Variants in RALGAPA1 observed in about 807,000 individuals in gnomAD.
RALGAPA1 encodes Ral GTPase activating protein catalytic subunit alpha 1.
RALGAPA1 carries 52 observed loss-of-function variants against 269.6 expected under a neutral mutation model. The observed-to-expected ratio is 0.19, with a 90% CI of 0.15 to 0.24. RALGAPA1 has a LOEUF of 0.24. RALGAPA1 is among the 10% of genes least tolerant of loss of function. RALGAPA1 has a pLI of 1.00. For missense variants in RALGAPA1, 1,917 were observed against 3,013.9 expected (o/e 0.64, Z 8.52); for synonymous variants, 817 against 1,008.3 (o/e 0.81, Z 3.60).
rs778041272 is a variant in RALGAPA1 at position 35,635,611 on chromosome 14, T to C, written c.5677-13A>G. 7.1e-6 allele frequency: 11 copies of C among 1,549,672 alleles called. No individual in the cohort carries two copies. Among genetic ancestry groups the C allele is most frequent in the Non-Finnish European group, 7.8e-6 (9 of 1,151,776 alleles). On this transcript the variant is annotated splice_polypyrimidine_tract_variant and intron_variant, in intron 31 of 41. Transcript: ENST00000680220. ...AAGATACTACCAACTGTAACAACAA[T>C]AGAATCATTATAATTGTACATTCAT...
chr14:35,731,846 G>C (rs2070501454), intron 12 of RALGAPA1, among the ~76,000 whole-genome samples: 2 of 150,516 alleles, frequency 1.3e-5, no homozygotes, highest in East Asian at 4.0e-4. Flanking sequence ...CCCTGGCCTT[G>C]ATAGAGACCT....
intron 15 of RALGAPA1, 109 bp from the exon 16 acceptor site, chr14:35,721,958 A>G: frequency 5.7e-6 from 5 of 884,822 alleles, no homozygotes; most frequent in Non-Finnish European, 8.8e-6. Context: ...CATAAATTAT[A>G]AAGTAATAAG....
chr14:35,721,470 A>AC (rs200106819), intron 16 of RALGAPA1, among the ~76,000 whole-genome samples: 1,631 of 152,332 alleles, frequency 0.011, 31 homozygotes, highest in African/African-American at 0.037. Context: ...AGTAAAATAA[A>AC]CCACATAAAA....
intron 17 of RALGAPA1, among the ~76,000 whole-genome samples, chr14:35,699,735 T>C (rs1335692451): frequency 2.0e-5 from 3 of 152,098 alleles, no homozygotes; most frequent in Admixed American, 1.3e-4. Flanking sequence ...TAATGCAGAA[T>C]AAATTATTCA....
At position 35,619,398 on chromosome 14, in the gene RALGAPA1, A is replaced by G. The variant is rs148101082; in HGVS notation, c.6929+5963T>C. 5.9e-3 allele frequency among the ~76,000 whole-genome samples: 905 copies of G among 152,306 alleles called. 9 individuals are homozygous for G. Among genetic ancestry groups the G allele is most frequent in the Non-Finnish European group, 7.8e-3 (531 of 68,026 alleles). ...CTAAATGCCCACAAGAGAAAGCAGG[A>G]AAGATCTAAAATCGACACCCTAACA... On this transcript the variant is annotated intron_variant, in intron 35 of 41. Transcript: ENST00000680220.
chr14:35,684,016 T>C (rs755364657), intron 20 of RALGAPA1, 31 bp from the exon 21 acceptor site: 1 of 1,554,396 alleles, frequency 6.4e-7, no homozygotes, highest in South Asian at 1.2e-5. Context: ...ATTATATGAG[T>C]CCCAATTACA....
At chr14:35,657,472 G>A (rs994853419) in intron 28 of RALGAPA1, among the ~76,000 whole-genome samples, 7 of 151,690 alleles carry the variant, frequency 4.6e-5, no homozygotes, top group African/African-American at 7.3e-5. Flanking sequence ...TTCCAGGCAC[G>A]AGCCACCACG....
In RALGAPA1 at chr14:35,805,194, C is replaced by CG. The variant is rs2077270178; in HGVS notation, c.106+3535dup. 4.0e-5 allele frequency among the ~76,000 whole-genome samples: 6 copies of CG among 150,540 alleles called. No homozygotes were observed. The South Asian group carries it at 1.1e-3, about 26-fold the overall frequency. Reference sequence around the variant, plus strand: ...ATCCCAGCACTTTAGGAGGCTGAGGCGGGGGGACTGCCTGAGCTCAGGAGT... The same window carrying CG: ...ATCCCAGCACTTTAGGAGGCTGAGGCGGGGGGGACTGCCTGAGCTCAGGAGT... On this transcript the variant is annotated intron_variant, in intron 1 of 41. Transcript: ENST00000680220.
chr14:35,663,395 T>C (rs1036650354), intron 27 of RALGAPA1, among the ~76,000 whole-genome samples: 1 of 150,526 alleles, frequency 6.6e-6, no homozygotes, highest in Non-Finnish European at 1.5e-5. Context: ...CTGGACTTTT[T>C]AAAACTTGAG....
At chr14:35,553,911 A>G (rs1260481828) in intron 39 of RALGAPA1, among the ~76,000 whole-genome samples, 10 of 151,798 alleles carry the variant, frequency 6.6e-5, no homozygotes. Flanking sequence ...CCCATTCTGA[A>G]ATTCTTAATT....
At chr14:35,699,087 A>G (rs989582955) in intron 17 of RALGAPA1, among the ~76,000 whole-genome samples, 1 of 152,176 alleles carries the variant, frequency 6.6e-6, no homozygotes, top group Non-Finnish European at 1.5e-5. Flanking sequence ...TTAAGGTTTG[A>G]ATTGAGGCCA....
intron 17 of RALGAPA1, among the ~76,000 whole-genome samples, chr14:35,692,418 G>A (rs1286912142): frequency 6.7e-6 from 1 of 150,188 alleles, no homozygotes; most frequent in Non-Finnish European, 1.5e-5. Context: ...ATGATGTTCT[G>A]TGTTTAGGAA....
chr14:35,750,523 T>G lies in RALGAPA1; in HGVS notation c.970A>C (p.Ile324Leu). The G allele has an allele frequency of 1.9e-6, 3 of 1,613,060 alleles. No individual in the cohort carries two copies. Among genetic ancestry groups the G allele is most frequent in the Non-Finnish European group, 2.5e-6 (3 of 1,179,374 alleles). Residue 324 changes from isoleucine to leucine, a missense_variant, in exon 9 of 42, where the codon ATT becomes CTT. This residue lies in a region of RALGAPA1 where 462 missense variants were observed against 725.6 expected (regional missense o/e 0.64). Transcript: ENST00000680220. ...LEPKPHTGPH[I>L]PGMEGEVLPK... ...AAGACTTCACCTTCCATCCCAGGAA[T>G]ATGAGGTCCTGTATGTGGTTTTGGC...
At chr14:35,592,561 G>C (rs568114839) in intron 37 of RALGAPA1, among the ~76,000 whole-genome samples, 35 of 152,252 alleles carry the variant, frequency 2.3e-4, no homozygotes, top group African/African-American at 7.9e-4. Flanking sequence ...AAAACTACAG[G>C]TCAATTTCTC....
chr14:35,700,053 C>T (rs2067217948), intron 17 of RALGAPA1, 109 bp downstream of exon 17: 5 of 964,242 alleles, frequency 5.2e-6, no homozygotes, highest in Non-Finnish European at 7.3e-6. Flanking sequence ...TTTCCCACAC[C>T]TCCCCCAAAG....
At chr14:35,617,535 T>C (rs1489085522) in intron 35 of RALGAPA1, among the ~76,000 whole-genome samples, 2 of 149,972 alleles carry the variant, frequency 1.3e-5, no homozygotes, top group Admixed American at 6.7e-5. Flanking sequence ...GGAGAATCAC[T>C]TGAACCCCGA....
chr14:35,586,615 A>G lies in RALGAPA1; in HGVS notation c.7209+9019T>C, dbSNP rs145684405. On this transcript the variant is annotated intron_variant, in intron 37 of 41. Coordinates refer to ENST00000680220, the MANE Select transcript of RALGAPA1 (RefSeq NM_001346249.2). Reference sequence around the variant, plus strand: ...CATAAACAGCTCTTACTATTTTGAGATAAGTCCCATCAATACCTAGTTTAT... The same window carrying G: ...CATAAACAGCTCTTACTATTTTGAGGTAAGTCCCATCAATACCTAGTTTAT... Among the ~76,000 whole-genome samples the G allele has an allele frequency of 7.9e-5, 12 of 152,330 alleles. No individual in the cohort carries two copies. In the East Asian group the frequency reaches 1.3e-3, roughly 17 times the overall value.
intron 7 of RALGAPA1, among the ~76,000 whole-genome samples, chr14:35,753,377 C>G (rs902344809): frequency 6.6e-6 from 1 of 152,098 alleles, no homozygotes; most frequent in African/African-American, 2.4e-5. Flanking sequence ...GTAGCCAACT[C>G]TTGAATGTAG....
chr14:35,708,888 A>C (rs1184599927), intron 16 of RALGAPA1, among the ~76,000 whole-genome samples: 1 of 152,234 alleles, frequency 6.6e-6, no homozygotes, highest in African/African-American at 2.4e-5. Context: ...TATGTGGTAT[A>C]TATACGCAAT....
Sources: gnomAD v4.1 joint callset for allele counts (sites outside exome capture counted in the v4.1 genomes callset) on GRCh38, gnomAD v4.1.1 for gene constraint, gnomAD v4.1.1 regional missense constraint, MANE v1.5 for transcripts, NCBI Gene and HGNC (gene_info 2026-07-23, HGNC 2026-07-21) for gene names.